MARCHF1: variants seen among roughly 807,000 people sequenced by gnomAD.
MARCHF1 encodes E3 ubiquitin-protein ligase MARCHF1.
In MARCHF1, 40 loss-of-function variants were observed where a neutral mutation model predicts 54.2. The observed-to-expected ratio is 0.74, with a 90% CI of 0.57 to 0.96. MARCHF1 has a LOEUF of 0.96. MARCHF1 is among the 40% of genes least tolerant of loss of function. MARCHF1 has a pLI of 0.00. For missense variants in MARCHF1, 586 were observed against 656.5 expected (o/e 0.89, Z 1.17); for synonymous variants, 236 against 236.3 (o/e 1.00, Z 0.01).
At chr4:163,579,437 C>G (rs957016718) in intron 8 of MARCHF1, among the ~76,000 whole-genome samples, 1 of 152,198 alleles carries the variant, frequency 6.6e-6, no homozygotes, top group East Asian at 1.9e-4. Context: ...CTTATTTTGT[C>G]TTTTCCCATA....
rs186743802 is a variant in MARCHF1, at chr4:164,010,915, C to T, written c.-247-22206G>A. On this transcript the variant is annotated intron_variant, in intron 2 of 9. Coordinates refer to ENST00000514618, the MANE Select transcript of MARCHF1 (RefSeq NM_001394959.1). ...CATGATACTGGCATAAAAACAGACA[C>T]ATAGACCAATAGAACAGAATGGAAA... 2.5e-3 allele frequency among the ~76,000 whole-genome samples: 379 copies of T among 152,206 alleles called. 3 individuals carry two copies. The highest frequency in any genetic ancestry group is 2.4e-3 in the Non-Finnish European group (166 of 67,982).
intron 4 of MARCHF1, among the ~76,000 whole-genome samples, chr4:163,741,582 C>CT (rs1554009499): frequency 7.9e-6 from 1 of 126,688 alleles, no homozygotes; most frequent in Admixed American, 8.1e-5. Context: ...GACTCTGTCT[C>CT]AAAAAAAAAA....
intron 4 of MARCHF1, among the ~76,000 whole-genome samples, chr4:163,761,183 C>T (rs572082230): frequency 6.6e-6 from 1 of 152,216 alleles, no homozygotes; most frequent in Admixed American, 6.5e-5. Flanking sequence ...TTAAGAACTG[C>T]TAGAATATAT....
At chr4:163,853,201 A>C (rs1749686290) in intron 4 of MARCHF1, among the ~76,000 whole-genome samples, 2 of 152,210 alleles carry the variant, frequency 1.3e-5, no homozygotes, top group African/African-American at 4.8e-5. Flanking sequence ...AACAGTAAAA[A>C]ATACCCTAAA....
At chr4:163,558,577 G>A (rs139847476) in intron 8 of MARCHF1, among the ~76,000 whole-genome samples, 122 of 152,314 alleles carry the variant, frequency 8.0e-4, no homozygotes, top group African/African-American at 2.9e-3. Context: ...ACAGCTGAGG[G>A]ACAGCCCGTA....
chr4:163,989,463 C>A (rs1207565059), intron 2 of MARCHF1, among the ~76,000 whole-genome samples: 1 of 152,148 alleles, frequency 6.6e-6, no homozygotes, highest in Admixed American at 6.5e-5. Flanking sequence ...CTATACTACT[C>A]ATTTCAGCTT....
chr4:164,154,711 A>G (rs1730031354), intron 1 of MARCHF1, among the ~76,000 whole-genome samples: 1 of 152,168 alleles, frequency 6.6e-6, no homozygotes. Flanking sequence ...TGTGTGTTAC[A>G]GTGCACTCTT....
intron 3 of MARCHF1, among the ~76,000 whole-genome samples, chr4:163,944,645 C>G (rs2110762743): frequency 6.6e-6 from 1 of 152,278 alleles, no homozygotes; most frequent in South Asian, 2.1e-4. Flanking sequence ...TCCTAAAGCC[C>G]CAATTCATCT....
chr4:163,881,496 CA>C (rs1207181937), intron 3 of MARCHF1, among the ~76,000 whole-genome samples: 2 of 151,946 alleles, frequency 1.3e-5, no homozygotes, highest in African/African-American at 2.4e-5. Context: ...AATTATCCAA[CA>C]AATGTGGATT....
intron 4 of MARCHF1, among the ~76,000 whole-genome samples, chr4:163,766,148 T>A (rs546781961): frequency 2.6e-5 from 4 of 152,016 alleles, no homozygotes; most frequent in Admixed American, 6.6e-5. Context: ...AAATGGTATA[T>A]CACAGAAGAT....
At chr4:163,885,583 G>T (rs908706448) in intron 3 of MARCHF1, among the ~76,000 whole-genome samples, 3 of 152,010 alleles carry the variant, frequency 2.0e-5, no homozygotes. Context: ...TCAGCAGTGG[G>T]CCTTGACATC....
intron 1 of MARCHF1, among the ~76,000 whole-genome samples, chr4:164,204,119 T>A (rs1024039078): frequency 5.9e-5 from 9 of 152,180 alleles, no homozygotes; most frequent in African/African-American, 2.2e-4. Flanking sequence ...CAGGCTTGAT[T>A]ATGTTTCTCT....
chr4:163,990,153 C>A (rs1752945371), intron 2 of MARCHF1, among the ~76,000 whole-genome samples: 1 of 152,168 alleles, frequency 6.6e-6, no homozygotes, highest in Non-Finnish European at 1.5e-5. Context: ...AATATTCACA[C>A]TGAAATAAAC....
intron 1 of MARCHF1, among the ~76,000 whole-genome samples, chr4:164,276,889 A>G (rs545121520): frequency 1.4e-5 from 2 of 146,870 alleles, no homozygotes; most frequent in African/African-American, 4.9e-5. Context: ...ATATATATAT[A>G]TGTAATGGTA....
At chr4:164,297,295 G>C (rs886351272) in intron 1 of MARCHF1, among the ~76,000 whole-genome samples, 3 of 152,128 alleles carry the variant, frequency 2.0e-5, no homozygotes. Flanking sequence ...TCTGAGAAAG[G>C]TAACTTCATA....
intron 2 of MARCHF1, among the ~76,000 whole-genome samples, chr4:164,034,104 T>TATAGATAGAC (rs1753942858): frequency 7.1e-6 from 1 of 141,666 alleles, no homozygotes; most frequent in South Asian, 2.2e-4. Context: ...GATAGATAGA[T>TATAGATAGAC]AGATAGATAG....
intron 5 of MARCHF1, chr4:163,613,605 T>C: frequency 6.9e-7 from 1 of 1,445,956 alleles, no homozygotes; most frequent in Non-Finnish European, 9.1e-7. Context: ...TGCTGCGCTA[T>C]TTTGCTGTTA....
intron 4 of MARCHF1, among the ~76,000 whole-genome samples, chr4:163,810,136 C>A (rs1402579683): frequency 1.3e-5 from 2 of 151,832 alleles, no homozygotes; most frequent in African/African-American, 2.4e-5. Context: ...AATTTGGATT[C>A]TATCCTTGGT....
intron 2 of MARCHF1, among the ~76,000 whole-genome samples, chr4:164,025,897 C>G (rs1015546269): frequency 6.6e-6 from 1 of 151,874 alleles, no homozygotes; most frequent in Non-Finnish European, 1.5e-5. Context: ...GTATTACTCC[C>G]AATCCCACAG....
Sources: gnomAD v4.1 joint callset for allele counts (sites outside exome capture counted in the v4.1 genomes callset) on GRCh38, gnomAD v4.1.1 for gene constraint, MANE v1.5 for transcripts, NCBI Gene and HGNC (gene_info 2026-07-23, HGNC 2026-07-21) for gene names.